GRAMD2B: variants seen among roughly 807,000 people sequenced by gnomAD.
GRAMD2B encodes the protein GRAM domain-containing protein 2B.
In GRAMD2B, 41 loss-of-function variants were observed where a neutral mutation model predicts 59.2. The ratio of observed to expected loss-of-function variants is 0.69; its 90% CI spans 0.54 to 0.90. The LOEUF is 0.90. Among genes scored for constraint, GRAMD2B ranks in the 40% least tolerant of loss-of-function variants. The pLI is 0.00. For synonymous variants in GRAMD2B, 161 were observed against 182.7 expected, an observed-to-expected ratio of 0.88 and a Z score of 0.96; for missense variants, 424 against 500.5, an observed-to-expected ratio of 0.85 and a Z score of 1.46.
At chr5:126,377,781 T>C (rs1260494308) in intron 1 of GRAMD2B, among the ~76,000 whole-genome samples, 1 of 152,186 alleles carries the variant, frequency 6.6e-6, no homozygotes, top group East Asian at 1.9e-4. Context: ...GGGATCATGA[T>C]ATGAACATGG....
At chr5:126,378,262 A>C (rs1755371129) in intron 1 of GRAMD2B, among the ~76,000 whole-genome samples, 1 of 152,204 alleles carries the variant, frequency 6.6e-6, no homozygotes, top group Non-Finnish European at 1.5e-5. Flanking sequence ...TTTTCTGTTT[A>C]CTGAAAATAT....
At chr5:126,374,635 A>T (rs73332408) in intron 1 of GRAMD2B, among the ~76,000 whole-genome samples, 5 of 152,122 alleles carry the variant, frequency 3.3e-5, no homozygotes, top group Admixed American at 2.6e-4. Flanking sequence ...GAACATATGT[A>T]TTTTCTGCTA....
chr5:126,466,512 G>A (rs1031429355), intron 2 of GRAMD2B, among the ~76,000 whole-genome samples: 5 of 151,056 alleles, frequency 3.3e-5, no homozygotes, highest in East Asian at 2.0e-4. Context: ...AGCAACCTCC[G>A]CCTCCCAGGT....
At chr5:126,361,131 T>C (rs1000072676) in intron 1 of GRAMD2B, among the ~76,000 whole-genome samples, 5 of 152,226 alleles carry the variant, frequency 3.3e-5, no homozygotes, top group Admixed American at 2.6e-4. Context: ...TTATTCTGAC[T>C]ATAATTGCTT....
At chr5:126,412,329 A>G (rs1425547363) in intron 1 of GRAMD2B, among the ~76,000 whole-genome samples, 1 of 152,058 alleles carries the variant, frequency 6.6e-6, no homozygotes, top group Non-Finnish European at 1.5e-5. Context: ...AGAATGTTGG[A>G]TTTTATCAAA....
chr5:126,397,277 CAG>C (rs1257657816), intron 1 of GRAMD2B, among the ~76,000 whole-genome samples: 17 of 152,198 alleles, frequency 1.1e-4, no homozygotes, highest in South Asian at 4.1e-4. Flanking sequence ...CAGGCTGAAA[CAG>C]AGTGGTGTGA....
intron 1 of GRAMD2B, among the ~76,000 whole-genome samples, chr5:126,455,937 GT>G (rs372031007): frequency 3.3e-5 from 5 of 152,040 alleles, no homozygotes; most frequent in African/African-American, 1.2e-4. Flanking sequence ...ATTGTTCTGT[GT>G]TTATGTACTG....
intron 1 of GRAMD2B, among the ~76,000 whole-genome samples, chr5:126,402,762 G>A (rs35580830): frequency 1.6e-3 from 242 of 151,994 alleles, no homozygotes; most frequent in Non-Finnish European, 2.8e-3. Context: ...TTGAATTACA[G>A]GCCAAGGATA....
intron 4 of GRAMD2B, among the ~76,000 whole-genome samples, chr5:126,473,007 C>T (rs759573135): frequency 1.6e-4 from 25 of 152,180 alleles, no homozygotes; most frequent in Non-Finnish European, 2.9e-4. Flanking sequence ...TTGTAAGACC[C>T]CATTCTTGGT....
intron 1 of GRAMD2B, among the ~76,000 whole-genome samples, chr5:126,447,790 AC>A (rs1397095222): frequency 6.6e-6 from 1 of 152,142 alleles, no homozygotes; most frequent in Non-Finnish European, 1.5e-5. Flanking sequence ...ATGTGAAAAG[AC>A]CAGGATCCTG....
chr5:126,427,904 A>G (rs1002397838), intron 1 of GRAMD2B, among the ~76,000 whole-genome samples: 1 of 152,158 alleles, frequency 6.6e-6, no homozygotes, highest in African/African-American at 2.4e-5. Context: ...CTATCTATGT[A>G]TGTGTGTGCA....
intron 1 of GRAMD2B, among the ~76,000 whole-genome samples, chr5:126,401,479 T>C (rs1164575233): frequency 6.6e-6 from 1 of 152,092 alleles, no homozygotes; most frequent in Non-Finnish European, 1.5e-5. Flanking sequence ...TATTACTGTG[T>C]TCCTTTGGTG....
chr5:126,402,459 A>C (rs1454845604), intron 1 of GRAMD2B, among the ~76,000 whole-genome samples: 1 of 152,086 alleles, frequency 6.6e-6, no homozygotes, highest in African/African-American at 2.4e-5. Flanking sequence ...GGACAACACC[A>C]ACCTCTTCAA....
intron 1 of GRAMD2B, among the ~76,000 whole-genome samples, chr5:126,443,664 T>A (rs1189899632): frequency 6.6e-6 from 1 of 152,116 alleles, no homozygotes; most frequent in African/African-American, 2.4e-5. Flanking sequence ...TCAGTAAAAC[T>A]GGCTTTCTCT....
At chr5:126,478,199 G>C (rs1771019057) in intron 6 of GRAMD2B, among the ~76,000 whole-genome samples, 1 of 149,580 alleles carries the variant, frequency 6.7e-6, no homozygotes. Flanking sequence ...GGGAGGCTGA[G>C]GGCTGAGGTG....
chr5:126,414,083 A>G (rs1034323175), intron 1 of GRAMD2B, among the ~76,000 whole-genome samples: 3 of 152,168 alleles, frequency 2.0e-5, no homozygotes, highest in African/African-American at 4.8e-5. Context: ...AATACCATCG[A>G]CAATCCCTTA....
At chr5:126,384,503 T>A (rs1755940843) in intron 1 of GRAMD2B, among the ~76,000 whole-genome samples, 1 of 152,206 alleles carries the variant, frequency 6.6e-6, no homozygotes, top group African/African-American at 2.4e-5. Flanking sequence ...AATAGCCCCA[T>A]AAGGGCAGGG....
chr5:126,466,084 G>A (rs967846228), intron 2 of GRAMD2B, among the ~76,000 whole-genome samples: 10 of 152,130 alleles, frequency 6.6e-5, no homozygotes, highest in African/African-American at 2.4e-4. Flanking sequence ...GACTAAAGTT[G>A]GTAGAGACTA....
intron 1 of GRAMD2B, among the ~76,000 whole-genome samples, chr5:126,411,393 G>A (rs1167000918): frequency 6.6e-6 from 1 of 152,052 alleles, no homozygotes; most frequent in Non-Finnish European, 1.5e-5. Flanking sequence ...TGACAACTTT[G>A]TCAAAGGTCA....
Sources: gnomAD v4.1 joint callset for allele counts (sites outside exome capture counted in the v4.1 genomes callset) on GRCh38, gnomAD v4.1.1 for gene constraint, MANE v1.5 for transcripts, NCBI Gene and HGNC (gene_info 2026-07-23, HGNC 2026-07-21) for gene names.